The following RAB3B variants were observed in gnomAD, a reference collection of about 807,000 sequenced individuals.
RAB3B encodes the protein ras-related protein Rab-3B.
A neutral mutation model predicts 20.5 loss-of-function variants in RAB3B; 11 were observed. The ratio of observed to expected loss-of-function variants is 0.54; its 90% confidence interval spans 0.34 to 0.89. The LOEUF is 0.89. Among genes scored for constraint, RAB3B ranks in the 40% least tolerant of loss-of-function variants. The pLI, the probability that RAB3B is intolerant of heterozygous loss-of-function variation, is 0.02. For synonymous variants in RAB3B, 99 were observed against 106.3 expected, an observed-to-expected ratio of 0.93 and a Z score of 0.42; for missense variants, 225 against 280.9, an observed-to-expected ratio of 0.80 and a Z score of 1.42.
At chr1:51,955,294 G>A (rs1050885576) in intron 2 of RAB3B, among the ~76,000 whole-genome samples, 3 of 152,162 alleles carry the variant, frequency 2.0e-5, no homozygotes, top group Non-Finnish European at 4.4e-5. Context: ...CACCATAGCC[G>A]ATGTGAATGC....
At chr1:51,965,753 G>T (rs1249508558) in intron 2 of RAB3B, among the ~76,000 whole-genome samples, 1 of 152,000 alleles carries the variant, frequency 6.6e-6, no homozygotes, top group Non-Finnish European at 1.5e-5. Flanking sequence ...AATGGTAATA[G>T]AATATTTGTG....
chr1:51,951,302 A>G (rs557583659), intron 2 of RAB3B, among the ~76,000 whole-genome samples: 5 of 152,320 alleles, frequency 3.3e-5, no homozygotes, highest in African/African-American at 7.2e-5. Flanking sequence ...CTTGTCCCCA[A>G]TGCAGACATT....
At position 51,980,696 on chromosome 1, in the gene RAB3B, C is replaced by T; in HGVS notation, c.1-3579G>A. On this transcript the variant is annotated intron_variant, in intron 1 of 4. Coordinates refer to ENST00000371655, the MANE Select transcript of RAB3B (RefSeq NM_002867.4). ...CAGTATGTGAAGCTACATTACTATGCGAGTTGTGCAATTCACAGCAAAGTA... is the reference window on the plus strand; with the variant it reads ...CAGTATGTGAAGCTACATTACTATGTGAGTTGTGCAATTCACAGCAAAGTA... 15 of 755,934 alleles carry T rather than the reference C, an allele frequency of 2.0e-5. 1 individual carries two copies. The South Asian group carries it at 2.0e-4, about 10-fold the overall frequency. 46.8% of individuals were successfully genotyped at this position (755,934 alleles called of 1,614,324 possible). A position where few individuals can be genotyped will look rare whatever the true frequency, so the allele number is the denominator to read the frequency against.
chr1:51,911,137 G>A lies in RAB3B; in HGVS notation c.*8790C>T, dbSNP rs1040643044. The A allele has an allele frequency of 6.6e-6, 1 of 152,188 alleles. No individual in the cohort carries two copies. The highest frequency in any genetic ancestry group is 2.4e-5 in the African/African-American group (1 of 41,462). 9.4% of individuals were successfully genotyped at this position (152,188 alleles called of 1,614,324 possible). On this transcript the variant is annotated 3_prime_UTR_variant, in exon 5 of 5. Coordinates refer to ENST00000371655, the MANE Select transcript of RAB3B (RefSeq NM_002867.4). Reference sequence around the variant, plus strand: ...GAGTGGCAGTGGAGTTAGCTGTTTTGTCTACCTGCTGGATACCTGGGAAGC... The same window carrying A: ...GAGTGGCAGTGGAGTTAGCTGTTTTATCTACCTGCTGGATACCTGGGAAGC...
In RAB3B at chr1:51,911,048, G is replaced by C. The variant is rs1487771080; in HGVS notation, c.*8879C>G. 2 of 152,238 alleles carry C rather than the reference G, an allele frequency of 1.3e-5. No individual in the cohort carries two copies. The highest frequency in any genetic ancestry group is 4.8e-5 in the African/African-American group (2 of 41,462). 9.4% of individuals were successfully genotyped at this position (152,238 alleles called of 1,614,324 possible). On this transcript the variant is annotated 3_prime_UTR_variant, in exon 5 of 5. Coordinates refer to ENST00000371655, the MANE Select transcript of RAB3B (RefSeq NM_002867.4). ...ACCACACAACTCAGTCCAGTCAGTA[G>C]TTGACTCTCAAGATGGCGGATGTCA...
chr1:51,961,676 AC>A (rs969342971), intron 2 of RAB3B, among the ~76,000 whole-genome samples: 1 of 152,212 alleles, frequency 6.6e-6, no homozygotes, highest in African/African-American at 2.4e-5. Flanking sequence ...GTAATTATTA[AC>A]AATTTCACCA....
At chr1:51,937,243 A>C (rs769328478) in intron 3 of RAB3B, 51 bp downstream of exon 3, 1 of 1,408,552 alleles carries the variant, frequency 7.1e-7, no homozygotes, top group Non-Finnish European at 1.0e-6. Context: ...AGCACATGTT[A>C]GGTTTTAATG....
chr1:51,961,010 C>T (rs1684776979), intron 2 of RAB3B, among the ~76,000 whole-genome samples: 2 of 152,126 alleles, frequency 1.3e-5, no homozygotes, highest in African/African-American at 4.8e-5. Context: ...CATTAATATT[C>T]TTCTATTTTA....
At chr1:51,959,047 G>A (rs897928537) in intron 2 of RAB3B, among the ~76,000 whole-genome samples, 15 of 152,358 alleles carry the variant, frequency 9.8e-5, no homozygotes, top group South Asian at 4.1e-4. Flanking sequence ...CAGGGAGCAT[G>A]CAGTCTGGGA....
At chr1:51,980,323 G>A (rs1303451441) in intron 1 of RAB3B, 1 of 283,056 alleles carries the variant, frequency 3.5e-6, no homozygotes, top group Non-Finnish European at 6.7e-6. Context: ...AGCTGCTTGG[G>A]AGGCTGAAGC....
At chr1:51,983,373 T>A (rs184941650) in intron 1 of RAB3B, among the ~76,000 whole-genome samples, 103 of 152,222 alleles carry the variant, frequency 6.8e-4, no homozygotes, top group African/African-American at 2.4e-3. Context: ...TTTAGATGTG[T>A]TTAGCTACAC....
chr1:51,964,634 C>T (rs1167168), intron 2 of RAB3B, among the ~76,000 whole-genome samples: 321 of 152,282 alleles, frequency 2.1e-3, no homozygotes, highest in Non-Finnish European at 3.3e-3. Context: ...TGCAGTCTTC[C>T]CCATCTCAGT....
At chr1:51,946,271 G>T (rs1684563137) in intron 2 of RAB3B, among the ~76,000 whole-genome samples, 1 of 152,118 alleles carries the variant, frequency 6.6e-6, no homozygotes, top group South Asian at 2.1e-4. Flanking sequence ...AGAAAAGCGA[G>T]GTTGGAAACA....
At chr1:51,920,953 C>T (rs891109708) in intron 4 of RAB3B, among the ~76,000 whole-genome samples, 6 of 152,170 alleles carry the variant, frequency 3.9e-5, no homozygotes, top group African/African-American at 1.4e-4. Flanking sequence ...CAACAAAAGG[C>T]CCAGGGAAAA....
At chr1:51,933,115 A>G (rs992750423) in intron 4 of RAB3B, among the ~76,000 whole-genome samples, 1 of 152,258 alleles carries the variant, frequency 6.6e-6, no homozygotes, top group Non-Finnish European at 1.5e-5. Flanking sequence ...CATATCAAAA[A>G]TGATGAATTA....
At chr1:51,921,446 C>T (rs1684171114) in intron 4 of RAB3B, among the ~76,000 whole-genome samples, 1 of 152,162 alleles carries the variant, frequency 6.6e-6, no homozygotes, top group Non-Finnish European at 1.5e-5. Flanking sequence ...TGGATTTAGA[C>T]CTGGGTTTGG....
chr1:51,956,493 G>C (rs890477835), intron 2 of RAB3B, among the ~76,000 whole-genome samples: 9 of 152,058 alleles, frequency 5.9e-5, no homozygotes, highest in African/African-American at 2.2e-4. Flanking sequence ...ACTTATCCCT[G>C]GTTTTCTAAC....
chr1:51,923,213 G>A (rs1409455753), intron 4 of RAB3B, among the ~76,000 whole-genome samples: 1 of 152,196 alleles, frequency 6.6e-6, no homozygotes, highest in Non-Finnish European at 1.5e-5. Context: ...TTTGCAGACA[G>A]GAAAACTGAG....
At chr1:51,982,353 C>G (rs1685099166) in intron 1 of RAB3B, among the ~76,000 whole-genome samples, 1 of 152,126 alleles carries the variant, frequency 6.6e-6, no homozygotes, top group African/African-American at 2.4e-5. Flanking sequence ...TTTGAGGCTG[C>G]AGTGACCCAT....
Sources: allele counts gnomAD v4.1 joint callset (sites outside exome capture counted in the v4.1 genomes callset), GRCh38; gene constraint gnomAD v4.1.1; transcripts MANE v1.5; gene names NCBI Gene and HGNC (gene_info 2026-07-23, HGNC 2026-07-21).